The following FUT8 variants were observed in gnomAD, a reference collection of about 807,000 sequenced individuals.
FUT8 encodes alpha-(1,6)-fucosyltransferase.
In FUT8, 29 loss-of-function variants were observed where a neutral mutation model predicts 71.3. The observed-to-expected ratio is 0.41, with a 90% CI of 0.30 to 0.55. The LOEUF (loss-of-function observed/expected upper bound fraction) is 0.55, where lower values mean the gene tolerates loss of function less well. Ranked by LOEUF, FUT8 falls within the 20% of genes least tolerant of loss-of-function variation. The pLI, the probability that FUT8 is intolerant of heterozygous loss-of-function variation, is 0.34. For synonymous variants in FUT8, 254 were observed against 239.3 expected (o/e 1.06, Z -0.57); for missense variants, 544 against 702.1 (o/e 0.77, Z 2.55).
rs1320868463 is a variant in FUT8, at chr14:65,660,842, T to C, written c.598-8401T>C. 6.6e-6 allele frequency among the ~76,000 whole-genome samples: 1 copy of C among 152,220 alleles called. No individual in the cohort carries two copies. The highest frequency in any genetic ancestry group is 1.5e-5 in the Non-Finnish European group (1 of 68,020). On this transcript the variant is annotated intron_variant, in intron 6 of 10. Transcript: ENST00000673929. This position sits in a 1 kb window ranked among gnomAD's most constrained non-coding sequence, Gnocchi z 4.1. The stretch of plus-strand genomic sequence containing the variant: ...ACAATGGAGTACTTCAGTTCTCTTA[T>C]TTGCTTCATTACCTTTTCTCCTTGG...
rs561614293 is a variant in FUT8, at chr14:65,685,586, G to A, written c.835+16106G>A. On this transcript the variant is annotated intron_variant, in intron 7 of 10. Transcript: ENST00000673929. ...TTAGTAAAGTAAAGGAATAAAGAAT[G>A]GCTACTCCATACGCAGAGCAGCCCT... 5.3e-5 allele frequency among the ~76,000 whole-genome samples: 8 copies of A among 152,216 alleles called. No individual in the cohort carries two copies. The East Asian group carries it at 1.4e-3, about 26-fold the overall frequency.
intron 6 of FUT8, among the ~76,000 whole-genome samples, chr14:65,649,929 A>G (rs1891283964): frequency 6.6e-6 from 1 of 152,210 alleles, no homozygotes; most frequent in African/African-American, 2.4e-5. Context: ...ATACAGTTTT[A>G]GGCTTCTATT....
At chr14:65,733,715 A>G (rs1169341449) in intron 10 of FUT8, among the ~76,000 whole-genome samples, 3 of 152,192 alleles carry the variant, frequency 2.0e-5, no homozygotes, top group African/African-American at 7.2e-5. Flanking sequence ...AATTTTGCAT[A>G]TAGTCAATAT....
intron 3 of FUT8, among the ~76,000 whole-genome samples, chr14:65,610,697 C>G (rs1888841900): frequency 6.6e-6 from 1 of 151,870 alleles, no homozygotes; most frequent in South Asian, 2.1e-4. Context: ...CCATTTCTGA[C>G]ACTTTTTATC....
chr14:65,422,229 T>C (rs2065309284), intron 1 of FUT8, among the ~76,000 whole-genome samples: 1 of 152,096 alleles, frequency 6.6e-6, no homozygotes, highest in Non-Finnish European at 1.5e-5. Flanking sequence ...TTGCCCAGGC[T>C]TTTTTTGTTC....
chr14:65,698,704 A>G (rs184172140), intron 7 of FUT8, among the ~76,000 whole-genome samples: 163 of 152,292 alleles, frequency 1.1e-3, no homozygotes, highest in Non-Finnish European at 2.0e-3. Flanking sequence ...AGGCTCATCT[A>G]TTGTCTAGGT....
intron 3 of FUT8, among the ~76,000 whole-genome samples, chr14:65,563,981 T>A (rs1353440972): frequency 6.6e-6 from 1 of 152,090 alleles, no homozygotes; most frequent in Non-Finnish European, 1.5e-5. Flanking sequence ...TAGGCCCATG[T>A]TTATATAAGG....
At chr14:65,623,625 G>C (rs1889739461) in intron 5 of FUT8, among the ~76,000 whole-genome samples, 1 of 152,154 alleles carries the variant, frequency 6.6e-6, no homozygotes, top group African/African-American at 2.4e-5. Context: ...AACTAACACA[G>C]GAGAATTGCT....
intron 2 of FUT8, among the ~76,000 whole-genome samples, chr14:65,512,020 A>C (rs1247971789): frequency 6.6e-6 from 1 of 151,904 alleles, no homozygotes; most frequent in Non-Finnish European, 1.5e-5. Flanking sequence ...CCTACTACCC[A>C]CCTGGGGTAT....
chr14:65,403,564 G>A, the FUT8 span, among the ~76,000 whole-genome samples: 1 of 152,188 alleles, frequency 6.6e-6, no homozygotes, highest in Non-Finnish European at 1.5e-5. Flanking sequence ...TGGTTTTTCA[G>A]ACTTTTGTCA....
chr14:65,542,154 A>G (rs769531179), intron 2 of FUT8, among the ~76,000 whole-genome samples: 8 of 152,246 alleles, frequency 5.3e-5, no homozygotes, highest in Non-Finnish European at 1.2e-4. Context: ...GAAACACTAT[A>G]TAAATGTAAT....
the FUT8 span, among the ~76,000 whole-genome samples, chr14:65,360,695 G>A: frequency 2.6e-3 from 392 of 152,252 alleles, no homozygotes; most frequent in African/African-American, 8.8e-3. Context: ...TTGTGCCTGG[G>A]TTTTCTCATC....
At chr14:65,721,748 A>G in intron 7 of FUT8, 27 bp from the exon 8 acceptor site, 1 of 1,612,030 alleles carries the variant, frequency 6.2e-7, no homozygotes, top group Non-Finnish European at 8.5e-7. Flanking sequence ...ACCATGTGGT[A>G]ATGATTATAT....
chr14:65,633,015 G>A (rs1443954820), intron 6 of FUT8, among the ~76,000 whole-genome samples: 74 of 25,932 alleles, frequency 2.9e-3, no homozygotes, highest in African/African-American at 7.7e-3. Context: ...CCCCCCCCCC[G>A]TCTCCCCAGG....
chr14:65,629,385 T>C, intron 5 of FUT8, 107 bp from the exon 6 acceptor site: 3 of 672,296 alleles, frequency 4.5e-6, no homozygotes, highest in Non-Finnish European at 7.9e-6. Flanking sequence ...CCAGTGTCAA[T>C]GCGAGCATCA....
chr14:65,510,112 A>G (rs1213002592), intron 2 of FUT8, among the ~76,000 whole-genome samples: 2 of 152,154 alleles, frequency 1.3e-5, no homozygotes, highest in Non-Finnish European at 2.9e-5. Flanking sequence ...TGTTTCTTCT[A>G]TACTCATGTT....
upstream of FUT8, among the ~76,000 whole-genome samples, chr14:65,407,078 A>G (rs1407671198): frequency 6.6e-6 from 1 of 152,206 alleles, no homozygotes; most frequent in Non-Finnish European, 1.5e-5. Flanking sequence ...TGTTCAGGTT[A>G]GGTGACCTTC....
intron 2 of FUT8, among the ~76,000 whole-genome samples, chr14:65,460,039 A>G (rs2065949508): frequency 6.6e-6 from 1 of 152,230 alleles, no homozygotes; most frequent in African/African-American, 2.4e-5. Flanking sequence ...TTTAGTTTAT[A>G]CAGATTTTTG....
intron 1 of FUT8, among the ~76,000 whole-genome samples, chr14:65,415,202 A>C (rs1392502537): frequency 6.6e-6 from 1 of 152,208 alleles, no homozygotes; most frequent in Non-Finnish European, 1.5e-5. Flanking sequence ...TGCCAAAGCA[A>C]AGTATAGCTT....
Sources: gnomAD v4.1 joint callset for allele counts (sites outside exome capture counted in the v4.1 genomes callset) on GRCh38, gnomAD v4.1.1 for gene constraint, Gnocchi (gnomAD v3.1) non-coding constraint, MANE v1.5 for transcripts, NCBI Gene and HGNC (gene_info 2026-07-23, HGNC 2026-07-21) for gene names.